NRG3: variants seen among roughly 807,000 people sequenced by gnomAD.
The protein encoded by NRG3 is neuregulin 3, also known as pro-neuregulin-3, membrane-bound isoform.
NRG3 carries 31 observed loss-of-function variants against 66.9 expected under a neutral mutation model. The ratio of observed to expected loss-of-function variants is 0.46; its 90% CI spans 0.35 to 0.63. The LOEUF (loss-of-function observed/expected upper bound fraction) is 0.63, where lower values mean the gene tolerates loss of function less well. Among genes scored for constraint, NRG3 ranks in the 20% least tolerant of loss-of-function variants. The pLI, the probability that NRG3 is intolerant of heterozygous loss-of-function variation, is 0.00. For synonymous variants in NRG3, 393 were observed against 359.4 expected, an observed-to-expected ratio of 1.09 and a Z score of -1.06; for missense variants, 910 against 878.9, an observed-to-expected ratio of 1.04 and a Z score of -0.45.
At chr10:82,373,039 A>C (rs2084989291) in intron 2 of NRG3, among the ~76,000 whole-genome samples, 1 of 152,244 alleles carries the variant, frequency 6.6e-6, no homozygotes, top group Non-Finnish European at 1.5e-5. Flanking sequence ...ATTCAAGTGA[A>C]AATGTTCTAC....
At chr10:82,626,934 C>T (rs1447015193) in intron 2 of NRG3, among the ~76,000 whole-genome samples, 1 of 152,026 alleles carries the variant, frequency 6.6e-6, no homozygotes, top group East Asian at 1.9e-4. Flanking sequence ...TGGTACTTTC[C>T]ACACATTTAT....
intron 1 of NRG3, among the ~76,000 whole-genome samples, chr10:81,906,786 G>C (rs1844643808): frequency 1.3e-5 from 2 of 152,182 alleles, no homozygotes; most frequent in Non-Finnish European, 2.9e-5. Flanking sequence ...CGTTTGCAAA[G>C]TTATCACAGT....
At chr10:82,282,173 T>A (rs755388990) in intron 1 of NRG3, among the ~76,000 whole-genome samples, 23 of 152,192 alleles carry the variant, frequency 1.5e-4, no homozygotes, top group Non-Finnish European at 2.9e-4. Flanking sequence ...GTTCTAGCCA[T>A]TTTTTCTAGA....
intron 1 of NRG3, among the ~76,000 whole-genome samples, chr10:81,961,301 T>C (rs985006114): frequency 6.6e-6 from 1 of 152,208 alleles, no homozygotes. Context: ...TTTGATACTC[T>C]GGCTTTGTGG....
At chr10:82,268,554 A>G (rs1327214163) in intron 1 of NRG3, among the ~76,000 whole-genome samples, 2 of 152,044 alleles carry the variant, frequency 1.3e-5, no homozygotes, top group Non-Finnish European at 2.9e-5. Context: ...TCTTTCTTAT[A>G]TATTTTTTAT....
At chr10:82,928,184 TG>T (rs1273076834) in intron 4 of NRG3, among the ~76,000 whole-genome samples, 3 of 152,146 alleles carry the variant, frequency 2.0e-5, no homozygotes, top group African/African-American at 7.2e-5. Flanking sequence ...TACTTTTTGA[TG>T]GGTTTTTTTT....
chr10:82,851,812 A>C (rs1439744179), intron 3 of NRG3, among the ~76,000 whole-genome samples: 1 of 152,188 alleles, frequency 6.6e-6, no homozygotes, highest in African/African-American at 2.4e-5. Flanking sequence ...TATAAAGAAA[A>C]ATTAAGCAAA....
intron 1 of NRG3, among the ~76,000 whole-genome samples, chr10:81,964,633 T>C (rs1297848448): frequency 6.6e-6 from 1 of 152,208 alleles, no homozygotes; most frequent in African/African-American, 2.4e-5. Flanking sequence ...AATGGAATAC[T>C]GGATCAGACA....
intron 8 of NRG3, among the ~76,000 whole-genome samples, chr10:82,980,505 G>A (rs1276338773): frequency 6.6e-6 from 1 of 152,042 alleles, no homozygotes; most frequent in East Asian, 1.9e-4. Context: ...ATGCTGCTTT[G>A]GCCTGGATGA....
At chr10:82,692,349 C>A (rs1204301061) in intron 2 of NRG3, among the ~76,000 whole-genome samples, 2 of 151,672 alleles carry the variant, frequency 1.3e-5, no homozygotes, top group Admixed American at 6.6e-5. Flanking sequence ...GTAAAAAGAA[C>A]TAGTACTAGA....
intron 3 of NRG3, among the ~76,000 whole-genome samples, chr10:82,859,962 C>T (rs1301250239): frequency 6.6e-6 from 1 of 152,008 alleles, no homozygotes; most frequent in Non-Finnish European, 1.5e-5. Flanking sequence ...TAGACAGGTA[C>T]CTAGTCCTAA....
chr10:82,763,824 A>G (rs1033470047), intron 3 of NRG3, among the ~76,000 whole-genome samples: 6 of 152,226 alleles, frequency 3.9e-5, no homozygotes, highest in Admixed American at 3.9e-4. Context: ...AAATATGTGT[A>G]TTAGAATTCA....
chr10:82,808,328 G>T (rs1385300413), intron 3 of NRG3, among the ~76,000 whole-genome samples: 1 of 151,958 alleles, frequency 6.6e-6, no homozygotes, highest in Non-Finnish European at 1.5e-5. Context: ...AAATCTGAAT[G>T]ATACATTGAG....
chr10:82,606,984 C>A (rs2048007384), intron 2 of NRG3, among the ~76,000 whole-genome samples: 1 of 152,118 alleles, frequency 6.6e-6, no homozygotes, highest in Non-Finnish European at 1.5e-5. Context: ...CTTAAAAAAC[C>A]CATCCCCAAA....
intron 1 of NRG3, among the ~76,000 whole-genome samples, chr10:82,353,651 A>G (rs534651599): frequency 4.6e-5 from 7 of 152,212 alleles, no homozygotes; most frequent in Non-Finnish European, 1.0e-4. Context: ...AGTGATCCAG[A>G]TAATTGCACA....
chr10:82,460,243 G>A (rs930332749), intron 2 of NRG3, among the ~76,000 whole-genome samples: 5 of 152,180 alleles, frequency 3.3e-5, no homozygotes, highest in African/African-American at 1.2e-4. Flanking sequence ...ACAGTAGAGC[G>A]CTTAAGGGTT....
At chr10:82,158,685 A>G (rs1590346508) in intron 1 of NRG3, among the ~76,000 whole-genome samples, 1 of 151,916 alleles carries the variant, frequency 6.6e-6, no homozygotes, top group Non-Finnish European at 1.5e-5. Context: ...TTTTGAGATC[A>G]TTCCTTTGGG....
intron 1 of NRG3, among the ~76,000 whole-genome samples, chr10:82,262,367 G>A (rs895232890): frequency 6.6e-6 from 1 of 152,128 alleles, no homozygotes; most frequent in Non-Finnish European, 1.5e-5. Flanking sequence ...AGCAAAAATG[G>A]CCGCATACAG....
chr10:82,572,913 G>T (rs2045825022), intron 2 of NRG3, among the ~76,000 whole-genome samples: 1 of 151,736 alleles, frequency 6.6e-6, no homozygotes, highest in African/African-American at 2.4e-5. Context: ...TAAGAATTCT[G>T]CTTATCTGGC....
Sources: allele counts gnomAD v4.1 joint callset (sites outside exome capture counted in the v4.1 genomes callset), GRCh38; gene constraint gnomAD v4.1.1; transcripts MANE v1.5; gene names NCBI Gene and HGNC (gene_info 2026-07-23, HGNC 2026-07-21).